Variants in ENOX1 observed in about 807,000 individuals in gnomAD.
The protein encoded by ENOX1 is ecto-NOX disulfide-thiol exchanger 1.
Under a neutral mutation model 82.5 loss-of-function variants are expected in ENOX1, and 42 were observed. The observed-to-expected ratio is 0.51, with a 90% CI of 0.40 to 0.66. The LOEUF (loss-of-function observed/expected upper bound fraction) is 0.66. ENOX1 is among the 30% of genes least tolerant of loss of function. ENOX1 has a pLI of 0.00. For synonymous variants in ENOX1, 271 were observed against 282.2 expected, an observed-to-expected ratio of 0.96 and a Z score of 0.40; for missense variants, 608 against 811.6, an observed-to-expected ratio of 0.75 and a Z score of 3.05.
chr13:43,594,787 T>C (rs905706019), intron 2 of ENOX1, among the ~76,000 whole-genome samples: 1 of 151,940 alleles, frequency 6.6e-6, no homozygotes, highest in Non-Finnish European at 1.5e-5. Context: ...GTTGAACCAA[T>C]ACTTATTGGG....
chr13:43,261,837 T>G (rs1371640024), intron 14 of ENOX1, among the ~76,000 whole-genome samples: 3 of 103,392 alleles, frequency 2.9e-5, no homozygotes, highest in African/African-American at 7.6e-5. Flanking sequence ...TGGGGACTGT[T>G]GTGGGGTGGG....
At chr13:43,324,001 G>A (rs1010586958) in intron 10 of ENOX1, among the ~76,000 whole-genome samples, 1 of 152,206 alleles carries the variant, frequency 6.6e-6, no homozygotes, top group African/African-American at 2.4e-5. Flanking sequence ...GTGGGGTGCA[G>A]GGGCACCAAT....
intron 5 of ENOX1, chr13:43,394,917 T>C (rs1006367810): frequency 6.6e-6 from 1 of 151,680 alleles, no homozygotes; most frequent in Admixed American, 6.6e-5. Context: ...AGCAGAAAGA[T>C]TAGCAGATAG....
chr13:43,261,244 A>T (rs2044039003), intron 14 of ENOX1, among the ~76,000 whole-genome samples: 1 of 152,162 alleles, frequency 6.6e-6, no homozygotes, highest in African/African-American at 2.4e-5. Context: ...ATGAGTCTTG[A>T]GACTAAGACA....
chr13:43,373,284 CAG>C (rs2051368174), intron 5 of ENOX1, among the ~76,000 whole-genome samples: 1 of 152,070 alleles, frequency 6.6e-6, no homozygotes, highest in South Asian at 2.1e-4. Flanking sequence ...ACTGAGGAGA[CAG>C]TGCCATACAG....
rs181160610 is a variant in ENOX1 at position 43,248,723 on chromosome 13, A to C, written c.1612-11985T>G. Among the ~76,000 whole-genome samples, 470 of 152,244 alleles carry C rather than the reference A, an allele frequency of 3.1e-3. 3 individuals carry two copies. The highest frequency in any genetic ancestry group is 9.5e-3 in the African/African-American group (393 of 41,556). Reference sequence around the variant, plus strand: ...AAATAAAAATATGTATTCACTGTAGAAAATATACAAAGTAAAGATTAAAAA... The same window carrying C: ...AAATAAAAATATGTATTCACTGTAGCAAATATACAAAGTAAAGATTAAAAA... On this transcript the variant is annotated intron_variant, in intron 14 of 16. Coordinates refer to ENST00000690772, the MANE Select transcript of ENOX1 (RefSeq NM_001347969.2).
chr13:43,219,057 A>G (rs1231385918), intron 16 of ENOX1, among the ~76,000 whole-genome samples: 1 of 152,142 alleles, frequency 6.6e-6, no homozygotes, highest in African/African-American at 2.4e-5. Flanking sequence ...CTCTGAGTGA[A>G]GTTTACCCCT....
chr13:43,692,049 G>C (rs1314618669), intron 1 of ENOX1, among the ~76,000 whole-genome samples: 1 of 152,108 alleles, frequency 6.6e-6, no homozygotes, highest in Non-Finnish European at 1.5e-5. Flanking sequence ...CTAACTCTGT[G>C]AGTGAACTCT....
intron 2 of ENOX1, among the ~76,000 whole-genome samples, chr13:43,511,050 A>G (rs1328084401): frequency 2.0e-5 from 3 of 152,146 alleles, no homozygotes. Context: ...TGAAGTTTCA[A>G]CTTCATGAAC....
chr13:43,410,693 T>C (rs2054074887), intron 5 of ENOX1, among the ~76,000 whole-genome samples: 1 of 151,916 alleles, frequency 6.6e-6, no homozygotes, highest in Non-Finnish European at 1.5e-5. Context: ...TTATGGCCAC[T>C]ATTGACCAAA....
At chr13:43,749,990 G>A (rs921911561) in intron 1 of ENOX1, among the ~76,000 whole-genome samples, 2 of 151,994 alleles carry the variant, frequency 1.3e-5, no homozygotes, top group African/African-American at 4.8e-5. Flanking sequence ...CCATCTCCAG[G>A]ACTACCAAAA....
intron 2 of ENOX1, among the ~76,000 whole-genome samples, chr13:43,488,639 C>T (rs557529066): frequency 7.2e-5 from 11 of 152,140 alleles, no homozygotes; most frequent in African/African-American, 1.9e-4. Flanking sequence ...AAGCCTGTAC[C>T]GTCATGAACA....
chr13:43,254,962 A>C (rs2043662798), intron 14 of ENOX1, among the ~76,000 whole-genome samples: 1 of 152,178 alleles, frequency 6.6e-6, no homozygotes, highest in Admixed American at 6.5e-5. Context: ...ATATTAAAAA[A>C]GAAGAACAAA....
chr13:43,459,583 T>C (rs2057373876), intron 3 of ENOX1: 1 of 152,174 alleles, frequency 6.6e-6, no homozygotes, highest in South Asian at 2.1e-4. Context: ...ACTAAAAGGA[T>C]GTAGAGTAGG....
chr13:43,466,529 C>T (rs2057728801), intron 3 of ENOX1, among the ~76,000 whole-genome samples: 1 of 152,112 alleles, frequency 6.6e-6, no homozygotes, highest in Admixed American at 6.6e-5. Context: ...AGGAACAAAA[C>T]TTTCTGAATG....
At chr13:43,404,751 T>C (rs923353154) in intron 5 of ENOX1, among the ~76,000 whole-genome samples, 12 of 152,354 alleles carry the variant, frequency 7.9e-5, no homozygotes, top group Admixed American at 1.3e-4. Context: ...TAAATAAATA[T>C]ACCAATGTAA....
At chr13:43,589,351 G>A (rs961602579) in intron 2 of ENOX1, among the ~76,000 whole-genome samples, 1 of 151,722 alleles carries the variant, frequency 6.6e-6, no homozygotes, top group Admixed American at 6.6e-5. Flanking sequence ...ATAGCCTGTT[G>A]CAGAGGAAAC....
At chr13:43,501,810 A>G (rs1355943755) in intron 2 of ENOX1, among the ~76,000 whole-genome samples, 2 of 151,114 alleles carry the variant, frequency 1.3e-5, no homozygotes, top group African/African-American at 4.8e-5. Flanking sequence ...AAAAAGCTAA[A>G]TGAATGACCT....
chr13:43,491,885 A>C (rs1461615365), intron 2 of ENOX1, among the ~76,000 whole-genome samples: 2 of 152,230 alleles, frequency 1.3e-5, no homozygotes, highest in East Asian at 3.9e-4. Context: ...ATCAGACCTA[A>C]GTTATTCACC....
Sources: allele counts gnomAD v4.1 joint callset (sites outside exome capture counted in the v4.1 genomes callset), GRCh38; gene constraint gnomAD v4.1.1; transcripts MANE v1.5; gene names NCBI Gene and HGNC (gene_info 2026-07-23, HGNC 2026-07-21).